Variants in NTM observed in about 807,000 individuals in gnomAD.
NTM encodes IgLON family member 2.
NTM carries 13 observed loss-of-function variants against 42.1 expected under a neutral mutation model. That is an observed-to-expected ratio of 0.31 (90% confidence interval 0.20 to 0.49). The LOEUF is 0.49. Among genes scored for constraint, NTM ranks in the 20% least tolerant of loss-of-function variants. The pLI, the probability that NTM is intolerant of heterozygous loss-of-function variation, is 0.99. For synonymous variants in NTM, 187 were observed against 179.2 expected, an observed-to-expected ratio of 1.04 and a Z score of -0.35; for missense variants, 373 against 452.8, an observed-to-expected ratio of 0.82 and a Z score of 1.60.
intron 4 of NTM, among the ~76,000 whole-genome samples, chr11:132,291,825 G>T (rs2140008164): frequency 6.6e-6 from 1 of 152,364 alleles, no homozygotes; most frequent in East Asian, 1.9e-4. Context: ...TGTGTGCCAT[G>T]AATTTGGACA....
intron 1 of NTM, among the ~76,000 whole-genome samples, chr11:131,490,272 T>G (rs933081634): frequency 2.0e-5 from 3 of 151,982 alleles, no homozygotes; most frequent in Non-Finnish European, 4.4e-5. Context: ...AGACCAGAGC[T>G]CCCCCTAACC....
chr11:131,916,086 A>G (rs1045913200), intron 2 of NTM, among the ~76,000 whole-genome samples: 10 of 152,206 alleles, frequency 6.6e-5, no homozygotes, highest in Non-Finnish European at 1.3e-4. Context: ...AGAGTACACC[A>G]TGAAAACGTG....
chr11:131,488,717 A>T (rs1264694954), intron 1 of NTM, among the ~76,000 whole-genome samples: 1 of 152,128 alleles, frequency 6.6e-6, no homozygotes, highest in African/African-American at 2.4e-5. Context: ...TCCCCCTCAC[A>T]CATCCAGAAT....
At chr11:131,633,596 ACTCC>A (rs2063899052) in intron 1 of NTM, among the ~76,000 whole-genome samples, 2 of 38,954 alleles carry the variant, frequency 5.1e-5, no homozygotes, top group Admixed American at 5.5e-4. Flanking sequence ...TCCCTCTCTC[ACTCC>A]CTCCCTCTCT....
chr11:131,478,426 G>T (rs1029321976), intron 1 of NTM, among the ~76,000 whole-genome samples: 4 of 152,148 alleles, frequency 2.6e-5, no homozygotes, highest in Non-Finnish European at 5.9e-5. Flanking sequence ...GCATATTTCT[G>T]TCATAGTGGT....
intron 2 of NTM, among the ~76,000 whole-genome samples, chr11:131,985,992 C>A (rs2066013518): frequency 6.6e-6 from 1 of 152,198 alleles, no homozygotes; most frequent in African/African-American, 2.4e-5. Flanking sequence ...TTAATAAACA[C>A]AGAATAAATG....
At chr11:131,914,735 G>T (rs528524265) in intron 2 of NTM, among the ~76,000 whole-genome samples, 1 of 152,288 alleles carries the variant, frequency 6.6e-6, no homozygotes, top group South Asian at 2.1e-4. Context: ...CCCTCCCGCT[G>T]GCATTCTGTA....
chr11:131,381,668 G>C (rs1360348017), intron 1 of NTM, among the ~76,000 whole-genome samples: 1 of 152,088 alleles, frequency 6.6e-6, no homozygotes, highest in Non-Finnish European at 1.5e-5. Context: ...CACTTGCCCT[G>C]TCTCCTCCCC....
chr11:131,744,938 C>T (rs1277880764), intron 1 of NTM, among the ~76,000 whole-genome samples: 1 of 152,220 alleles, frequency 6.6e-6, no homozygotes, highest in Non-Finnish European at 1.5e-5. Flanking sequence ...CTAGCTGCAT[C>T]TGCATTTACC....
At chr11:132,040,622 A>G (rs1339158156) in intron 2 of NTM, among the ~76,000 whole-genome samples, 7 of 152,196 alleles carry the variant, frequency 4.6e-5, no homozygotes, top group African/African-American at 1.4e-4. Context: ...CCTTATGCTA[A>G]GGGGTCTTGT....
At chr11:131,413,348 G>A (rs1946615668) in intron 1 of NTM, among the ~76,000 whole-genome samples, 2 of 152,216 alleles carry the variant, frequency 1.3e-5, no homozygotes, top group South Asian at 4.1e-4. Flanking sequence ...ACAGGAGCGT[G>A]CTTCCTTTTG....
intron 1 of NTM, among the ~76,000 whole-genome samples, chr11:131,523,782 CAAAA>C (rs3040114): frequency 2.8e-5 from 2 of 72,198 alleles, no homozygotes; most frequent in Admixed American, 1.7e-4. Flanking sequence ...GACTCCATCT[CAAAA>C]AAAAAAAAAA....
In NTM at chr11:131,510,830, C is replaced by T. The variant is rs1034396324; in HGVS notation, c.82+139942C>T. ...GTGGGGGTGCTGGTGCAGAGCTCGG[C>T]CTTCTGCCCCGTCCTGGCTTGGGTG... On this transcript the variant is annotated intron_variant, in intron 1 of 8. Coordinates refer to ENST00000683400, the MANE Select transcript of NTM (RefSeq NM_001352005.2). Among the ~76,000 whole-genome samples the T allele has an allele frequency of 2.6e-5, 4 of 151,946 alleles. No individual in the cohort carries two copies. The South Asian group carries it at 8.3e-4, about 32-fold the overall frequency.
chr11:131,720,460 G>C (rs529366382), intron 1 of NTM, among the ~76,000 whole-genome samples: 2 of 152,260 alleles, frequency 1.3e-5, no homozygotes, highest in Admixed American at 6.5e-5. Context: ...TAGAAGACTG[G>C]TTCAACCTGG....
intron 1 of NTM, among the ~76,000 whole-genome samples, chr11:131,669,579 G>A (rs1357721900): frequency 6.6e-6 from 1 of 152,120 alleles, no homozygotes; most frequent in Non-Finnish European, 1.5e-5. Context: ...GGTGAGGGGG[G>A]AGGGCAACGT....
At chr11:132,222,421 G>A (rs192983988) in intron 4 of NTM, among the ~76,000 whole-genome samples, 68 of 152,302 alleles carry the variant, frequency 4.5e-4, no homozygotes, top group African/African-American at 1.5e-3. Context: ...GACATGAAAA[G>A]AAATTGCCAG....
intron 1 of NTM, among the ~76,000 whole-genome samples, chr11:131,583,730 C>G (rs1293541685): frequency 6.6e-6 from 1 of 152,168 alleles, no homozygotes; most frequent in African/African-American, 2.4e-5. Context: ...AGGCAGGACT[C>G]TTTAGTTTAA....
At chr11:131,938,794 G>A (rs1021858206) in intron 2 of NTM, among the ~76,000 whole-genome samples, 4 of 152,142 alleles carry the variant, frequency 2.6e-5, no homozygotes, top group African/African-American at 7.2e-5. Flanking sequence ...GGAACACTGA[G>A]GACGTGATGC....
intron 4 of NTM, among the ~76,000 whole-genome samples, chr11:132,240,257 C>T (rs994627269): frequency 6.6e-6 from 1 of 152,208 alleles, no homozygotes; most frequent in Non-Finnish European, 1.5e-5. Flanking sequence ...TTTGGTGGTG[C>T]ATTTTAGTCC....
Sources: allele counts gnomAD v4.1 joint callset (sites outside exome capture counted in the v4.1 genomes callset), GRCh38; gene constraint gnomAD v4.1.1; transcripts MANE v1.5; gene names NCBI Gene and HGNC (gene_info 2026-07-23, HGNC 2026-07-21).